ARHGAP31: variants seen among roughly 807,000 people sequenced by gnomAD.
ARHGAP31 encodes rho GTPase-activating protein 31.
ARHGAP31 carries 34 observed loss-of-function variants against 113.9 expected under a neutral mutation model. The observed-to-expected ratio is 0.30, with a 90% confidence interval of 0.23 to 0.40. The LOEUF (loss-of-function observed/expected upper bound fraction) is 0.40, where lower values mean the gene tolerates loss of function less well. ARHGAP31 is among the 10% of genes least tolerant of loss of function. The probability of loss-of-function intolerance (pLI) is 1.00; values close to 1 mark genes in which losing one functional copy is unlikely to be tolerated. For missense variants in ARHGAP31, 1,548 were observed against 1,767.1 expected, an observed-to-expected ratio of 0.88 and a Z score of 2.22; for synonymous variants, 650 against 684.8, an observed-to-expected ratio of 0.95 and a Z score of 0.79.
chr3:119,299,968 C>A (rs2079566218), intron 1 of ARHGAP31, among the ~76,000 whole-genome samples: 1 of 152,214 alleles, frequency 6.6e-6, no homozygotes, highest in South Asian at 2.1e-4. Flanking sequence ...CGTGGTCACA[C>A]CTTCCCTGCC....
intron 1 of ARHGAP31, among the ~76,000 whole-genome samples, chr3:119,359,158 T>C (rs897790890): frequency 6.6e-6 from 1 of 151,866 alleles, no homozygotes; most frequent in African/African-American, 2.4e-5. Flanking sequence ...GCTGGGATTA[T>C]AGGCGTGCAC....
At chr3:119,310,306 T>C (rs1213210365) in intron 1 of ARHGAP31, among the ~76,000 whole-genome samples, 1 of 152,160 alleles carries the variant, frequency 6.6e-6, no homozygotes, top group Non-Finnish European at 1.5e-5. Context: ...ACAACAACAT[T>C]CTGTGGTCAC....
At chr3:119,373,996 T>C (rs1261805719) in intron 3 of ARHGAP31, among the ~76,000 whole-genome samples, 1 of 152,252 alleles carries the variant, frequency 6.6e-6, no homozygotes, top group Admixed American at 6.5e-5. Context: ...AGTACATGTC[T>C]AACAGTGAGA....
Position 119,415,718 on chromosome 3 carries a change from A to G in ARHGAP31, c.3789A>G (p.Pro1263=). ...SSLESSKEEK[P]KQDPGAIKSS... ...TGGAAAGCTCAAAGGAAGAAAAACC[A>G]AAGCAAGATCCCGGAGCCATTAAGT... The change falls in exon 12 of 12, where the codon CCA becomes CCG. Residue 1263 remains proline (P), a synonymous_variant. Coordinates refer to ENST00000264245, the MANE Select transcript of ARHGAP31 (RefSeq NM_020754.4). The G allele has an allele frequency of 8.1e-6, 13 of 1,614,104 alleles. No homozygotes were observed. The highest frequency in any genetic ancestry group is 1.1e-5 in the Non-Finnish European group (13 of 1,179,992).
At chr3:119,325,098 A>G (rs1366113998) in intron 1 of ARHGAP31, 2 of 370,144 alleles carry the variant, frequency 5.4e-6, no homozygotes, top group Non-Finnish European at 1.1e-5. Context: ...TCTTCAAGTC[A>G]CAGAATCACT....
intron 6 of ARHGAP31, among the ~76,000 whole-genome samples, chr3:119,383,608 A>C (rs1022146029): frequency 6.6e-6 from 1 of 152,118 alleles, no homozygotes; most frequent in African/African-American, 2.4e-5. Flanking sequence ...CTTTACTTTC[A>C]CTGTATTTCA....
At chr3:119,381,854 C>T (rs527733239) in intron 4 of ARHGAP31, among the ~76,000 whole-genome samples, 22 of 152,246 alleles carry the variant, frequency 1.4e-4, no homozygotes, top group Non-Finnish European at 1.8e-4. Context: ...GGCGTGGTGG[C>T]GGGCGCCTTT....
At chr3:119,377,987 G>T (rs2080363234) in intron 3 of ARHGAP31, among the ~76,000 whole-genome samples, 1 of 152,100 alleles carries the variant, frequency 6.6e-6, no homozygotes, top group Non-Finnish European at 1.5e-5. Flanking sequence ...GTGGCTTTGA[G>T]TAAACAGAAA....
chr3:119,393,019 A>T (rs1172362324), intron 7 of ARHGAP31, among the ~76,000 whole-genome samples: 6 of 152,098 alleles, frequency 3.9e-5, no homozygotes. Flanking sequence ...AAGCGAGAGG[A>T]TGGTTTGAGT....
At chr3:119,396,249 G>T (rs987348568) in intron 8 of ARHGAP31, among the ~76,000 whole-genome samples, 1 of 152,202 alleles carries the variant, frequency 6.6e-6, no homozygotes, top group African/African-American at 2.4e-5. Flanking sequence ...CCACAGAGTG[G>T]ATCACACCAT....
chr3:119,300,486 C>G (rs1384197190), intron 1 of ARHGAP31, among the ~76,000 whole-genome samples: 1 of 152,146 alleles, frequency 6.6e-6, no homozygotes, highest in Non-Finnish European at 1.5e-5. Flanking sequence ...TCAGTATACA[C>G]TCAGGAACTA....
chr3:119,316,617 C>CT (rs985743773), intron 1 of ARHGAP31, among the ~76,000 whole-genome samples: 1 of 152,174 alleles, frequency 6.6e-6, no homozygotes, highest in African/African-American at 2.4e-5. Context: ...GGGGCCCATA[C>CT]TTTAATCTTA....
intron 1 of ARHGAP31, among the ~76,000 whole-genome samples, chr3:119,355,062 G>A (rs1372264591): frequency 1.3e-5 from 2 of 152,082 alleles, no homozygotes; most frequent in African/African-American, 4.8e-5. Flanking sequence ...CCTTCCTGTT[G>A]GGGAGTGTTT....
intron 10 of ARHGAP31, among the ~76,000 whole-genome samples, chr3:119,407,674 G>A (rs780557830): frequency 2.0e-5 from 3 of 152,242 alleles, no homozygotes; most frequent in Non-Finnish European, 4.4e-5. Context: ...TGACCAAGGA[G>A]AGGTTGGTCT....
At chr3:119,336,539 A>C (rs1045134363) in intron 1 of ARHGAP31, among the ~76,000 whole-genome samples, 2 of 152,212 alleles carry the variant, frequency 1.3e-5, no homozygotes, top group Non-Finnish European at 2.9e-5. Flanking sequence ...ATCACCAAGC[A>C]CTGATAATTC....
intron 4 of ARHGAP31, 86 bp downstream of exon 4, chr3:119,381,072 A>C: frequency 7.6e-7 from 1 of 1,318,890 alleles, no homozygotes; most frequent in African/African-American, 1.4e-5. Context: ...AAAGGAAACA[A>C]TGTGTGGACA....
chr3:119,351,026 A>G (rs550224790), intron 1 of ARHGAP31, among the ~76,000 whole-genome samples: 46 of 152,302 alleles, frequency 3.0e-4, no homozygotes, highest in African/African-American at 1.1e-3. Flanking sequence ...AAACACAAGG[A>G]TCCAGAAATC....
chr3:119,358,513 T>C (rs892377804), intron 1 of ARHGAP31, among the ~76,000 whole-genome samples: 10 of 152,284 alleles, frequency 6.6e-5, no homozygotes, highest in Admixed American at 1.3e-4. Flanking sequence ...CCAAGAGAAT[T>C]GAAAACATAT....
intron 10 of ARHGAP31, among the ~76,000 whole-genome samples, chr3:119,405,326 C>T (rs2080650677): frequency 6.6e-6 from 1 of 152,146 alleles, no homozygotes; most frequent in Non-Finnish European, 1.5e-5. Flanking sequence ...TTCTATCTTA[C>T]ACACAAGTCC....
Sources: allele counts gnomAD v4.1 joint callset (sites outside exome capture counted in the v4.1 genomes callset), GRCh38; gene constraint gnomAD v4.1.1; transcripts MANE v1.5; gene names NCBI Gene and HGNC (gene_info 2026-07-23, HGNC 2026-07-21).